Variants in DPP10 observed in about 807,000 individuals in gnomAD.
The protein encoded by DPP10 is inactive dipeptidyl peptidase 10.
In DPP10, 33 loss-of-function variants were observed where a neutral mutation model predicts 120.9. That is an observed-to-expected ratio of 0.27 (90% CI 0.21 to 0.37). The LOEUF is 0.37. Among genes scored for constraint, DPP10 ranks in the 10% least tolerant of loss-of-function variants. The pLI is 1.00. For synonymous variants in DPP10, 337 were observed against 326.1 expected, an observed-to-expected ratio of 1.03 and a Z score of -0.36; for missense variants, 816 against 942.8, an observed-to-expected ratio of 0.87 and a Z score of 1.76.
At chr2:115,724,242 G>T (rs1374115583) in intron 7 of DPP10, among the ~76,000 whole-genome samples, 2 of 152,168 alleles carry the variant, frequency 1.3e-5, no homozygotes, top group Non-Finnish European at 2.9e-5. Flanking sequence ...ATCACAAGTT[G>T]TATGTCAGTG....
intron 1 of DPP10, among the ~76,000 whole-genome samples, chr2:115,123,895 C>T (rs151109559): frequency 3.1e-4 from 47 of 151,854 alleles, no homozygotes; most frequent in African/African-American, 6.8e-4. Context: ...ATTTTATTAC[C>T]GCACCCAACA....
intron 1 of DPP10, among the ~76,000 whole-genome samples, chr2:114,919,330 C>T (rs1695030758): frequency 6.6e-6 from 1 of 152,202 alleles, no homozygotes; most frequent in African/African-American, 2.4e-5. Flanking sequence ...AATTCACAAG[C>T]ATGTTATGCT....
intron 1 of DPP10, among the ~76,000 whole-genome samples, chr2:114,488,841 A>G (rs1321347296): frequency 6.6e-6 from 1 of 152,084 alleles, no homozygotes; most frequent in African/African-American, 2.4e-5. Flanking sequence ...GCATAGGCTT[A>G]TGCTCTGTGT....
intron 1 of DPP10, among the ~76,000 whole-genome samples, chr2:114,854,511 C>T (rs1689218026): frequency 6.6e-6 from 1 of 152,154 alleles, no homozygotes; most frequent in African/African-American, 2.4e-5. Flanking sequence ...TGGCATTACA[C>T]TCTCTGTCGA....
At chr2:115,507,772 T>G (rs2077022909) in intron 4 of DPP10, among the ~76,000 whole-genome samples, 1 of 152,150 alleles carries the variant, frequency 6.6e-6, no homozygotes, top group South Asian at 2.1e-4. Flanking sequence ...ACTCTGTCAA[T>G]TATATGGAGA....
intron 5 of DPP10, among the ~76,000 whole-genome samples, chr2:115,665,205 G>C (rs927407040): frequency 6.6e-6 from 1 of 152,176 alleles, no homozygotes; most frequent in African/African-American, 2.4e-5. Context: ...TGGGATGACA[G>C]ACAGCAGAGC....
At chr2:115,508,420 G>A (rs931960755) in intron 4 of DPP10, among the ~76,000 whole-genome samples, 44 of 151,998 alleles carry the variant, frequency 2.9e-4, no homozygotes, top group African/African-American at 1.0e-3. Context: ...ATGTATTAAG[G>A]GAGATATGCA....
chr2:115,644,957 T>C (rs2087110647), intron 5 of DPP10, among the ~76,000 whole-genome samples: 2 of 152,178 alleles, frequency 1.3e-5, no homozygotes, highest in African/African-American at 4.8e-5. Context: ...GGATTCTATG[T>C]TTATTTGCAA....
chr2:115,459,313 C>T (rs745668503), intron 3 of DPP10, among the ~76,000 whole-genome samples: 62 of 151,984 alleles, frequency 4.1e-4, no homozygotes, highest in Non-Finnish European at 7.5e-4. Flanking sequence ...CGTGCCACCA[C>T]GCCCGGCTAA....
chr2:115,748,534 C>T (rs973528269), intron 10 of DPP10, among the ~76,000 whole-genome samples: 4 of 151,882 alleles, frequency 2.6e-5, no homozygotes, highest in African/African-American at 9.7e-5. Context: ...TCATGACTTC[C>T]ACTACCTTAT....
intron 3 of DPP10, among the ~76,000 whole-genome samples, chr2:115,458,015 G>A (rs1048248576): frequency 1.3e-5 from 2 of 152,096 alleles, no homozygotes; most frequent in African/African-American, 4.8e-5. Context: ...AGATGGATAA[G>A]TCCTGAAAAC....
chr2:115,663,449 TC>T lies in DPP10; in HGVS notation c.442-26237del, dbSNP rs111392492. ...TTCATTGCGCTAGTCTTGACTTTTTTCTGTCAAGGAAGACATCTTTAAAAGG... is the reference window on the plus strand; with the variant it reads ...TTCATTGCGCTAGTCTTGACTTTTTTTGTCAAGGAAGACATCTTTAAAAGG... On this transcript the variant is annotated intron_variant, in intron 5 of 25. Transcript: ENST00000410059. Among the ~76,000 whole-genome samples the T allele has an allele frequency of 1.3e-3, 204 of 152,320 alleles. 1 individual carries two copies. The highest frequency in any genetic ancestry group is 4.4e-3 in the African/African-American group (183 of 41,574).
At chr2:114,952,994 C>CT (rs35383764) in intron 1 of DPP10, among the ~76,000 whole-genome samples, 42,495 of 145,204 alleles carry the variant, frequency 0.29, 6,369 homozygotes, top group African/African-American at 0.39. Context: ...TCTTTTGAGG[C>CT]TTTTTTTTTT....
intron 3 of DPP10, among the ~76,000 whole-genome samples, chr2:115,431,249 A>G (rs1422367501): frequency 6.6e-6 from 1 of 152,190 alleles, no homozygotes; most frequent in Non-Finnish European, 1.5e-5. Flanking sequence ...CTGGAGGACA[A>G]GTCCATGACT....
At chr2:114,999,748 T>G (rs1701318887) in intron 1 of DPP10, among the ~76,000 whole-genome samples, 1 of 152,094 alleles carries the variant, frequency 6.6e-6, no homozygotes, top group Admixed American at 6.6e-5. Context: ...CCAAGTTTGC[T>G]CCTAGAACCT....
intron 1 of DPP10, among the ~76,000 whole-genome samples, chr2:114,645,986 C>CCTGT (rs1414015120): frequency 6.6e-6 from 1 of 151,834 alleles, no homozygotes; most frequent in East Asian, 1.9e-4. Context: ...ATGGTGAAAC[C>CCTGT]CTGTCTCTAC....
chr2:115,104,033 A>G (rs997335332), intron 1 of DPP10, among the ~76,000 whole-genome samples: 1 of 152,194 alleles, frequency 6.6e-6, no homozygotes, highest in Non-Finnish European at 1.5e-5. Flanking sequence ...TTTATACAAT[A>G]TCTTATACAA....
chr2:115,798,361 T>G (rs908533612), intron 19 of DPP10, among the ~76,000 whole-genome samples: 1 of 152,020 alleles, frequency 6.6e-6, no homozygotes, highest in Non-Finnish European at 1.5e-5. Context: ...CTTTGAAAGG[T>G]GAAGTTAAAA....
At chr2:115,537,262 A>G (rs931125227) in intron 5 of DPP10, among the ~76,000 whole-genome samples, 7 of 151,948 alleles carry the variant, frequency 4.6e-5, no homozygotes, top group African/African-American at 1.7e-4. Flanking sequence ...TGTGCCTGTT[A>G]TTTATTTTTA....
Sources: gnomAD v4.1 joint callset for allele counts (sites outside exome capture counted in the v4.1 genomes callset) on GRCh38, gnomAD v4.1.1 for gene constraint, MANE v1.5 for transcripts, NCBI Gene and HGNC (gene_info 2026-07-23, HGNC 2026-07-21) for gene names.